The following RALGAPA2 variants were observed in gnomAD, a reference collection of about 807,000 sequenced individuals.
The protein encoded by RALGAPA2 is Ral GTPase activating protein catalytic subunit alpha 2, also known as ral GTPase-activating protein subunit alpha-2.
A neutral mutation model predicts 230.4 loss-of-function variants in RALGAPA2; 139 were observed. That is an observed-to-expected ratio of 0.60 (90% confidence interval 0.53 to 0.69). RALGAPA2 has a LOEUF of 0.69. Ranked by LOEUF, RALGAPA2 falls within the 30% of genes least tolerant of loss-of-function variation. The pLI is 0.00. For synonymous variants in RALGAPA2, 847 were observed against 837.8 expected (o/e 1.01, Z -0.19); for missense variants, 2,163 against 2,276.0 (o/e 0.95, Z 1.01).
intron 9 of RALGAPA2, among the ~76,000 whole-genome samples, chr20:20,633,783 T>C (rs2066766463): frequency 6.6e-6 from 1 of 152,192 alleles, no homozygotes; most frequent in Non-Finnish European, 1.5e-5. Context: ...CAGCCTACAT[T>C]TCTTCATTAT....
intron 20 of RALGAPA2, 88 bp from the exon 21 acceptor site, chr20:20,573,156 C>A: frequency 2.5e-6 from 3 of 1,186,462 alleles, no homozygotes; most frequent in South Asian, 2.3e-5. Flanking sequence ...CTTAGGTATT[C>A]AAAGTAAAAT....
chr20:20,394,140 ATTAAT>A, intron 39 of RALGAPA2, among the ~76,000 whole-genome samples: 1 of 152,278 alleles, frequency 6.6e-6, no homozygotes, highest in African/African-American at 2.4e-5. Context: ...GGCATTTGAA[ATTAAT>A]TTAAGTCAGT....
At chr20:20,533,556 A>G (rs2063422331) in intron 26 of RALGAPA2, among the ~76,000 whole-genome samples, 1 of 152,182 alleles carries the variant, frequency 6.6e-6, no homozygotes, top group South Asian at 2.1e-4. Flanking sequence ...GGAGATTTTA[A>G]CATTTTTCTT....
rs1429259061 is a variant in RALGAPA2, at chr20:20,505,510, C to T, written c.4953G>A (p.Val1651=). The T allele has an allele frequency of 1.2e-6, 2 of 1,600,018 alleles. No individual in the cohort carries two copies. Among genetic ancestry groups the T allele is most frequent in the Non-Finnish European group, 1.7e-6 (2 of 1,173,390 alleles). ...RQCRETHKIA[V]FYIAEGQEDK... Reference sequence around the variant, plus strand: ...CTTCTTGACCTTCAGCAATGTAAAACACTGCGATTTTGTGTGTCTCACGGC... The same window carrying T: ...CTTCTTGACCTTCAGCAATGTAAAATACTGCGATTTTGTGTGTCTCACGGC... Residue 1651 remains valine (V), a synonymous_variant, in exon 34 of 40, where the codon GTG becomes GTA. Coordinates refer to ENST00000202677, the MANE Select transcript of RALGAPA2 (RefSeq NM_020343.4).
At chr20:20,682,064 C>T (rs2068539980) in intron 1 of RALGAPA2, among the ~76,000 whole-genome samples, 1 of 152,156 alleles carries the variant, frequency 6.6e-6, no homozygotes, top group Admixed American at 6.5e-5. Context: ...AGCAATAATG[C>T]AGATGATTCT....
rs188261202 is a variant in RALGAPA2 at position 20,619,527 on chromosome 20, A to G, written c.1402-113T>C. The G allele has an allele frequency of 1.5e-3, 1,281 of 878,374 alleles. 1 individual carries two copies. The highest frequency in any genetic ancestry group is 3.0e-3 in the Admixed American group (64 of 21,540). The allele number at this position is 878,374 out of a possible 1,614,324, so 54.4% of individuals were successfully genotyped here. On this transcript the variant is annotated intron_variant, in intron 11 of 39. Coordinates refer to ENST00000202677, the MANE Select transcript of RALGAPA2 (RefSeq NM_020343.4). Reference sequence around the variant, plus strand: ...AAACTAAGTTATATTTAGTTGGCATATTTAATTCCTTAAACTCACCAGGAT... The same window carrying G: ...AAACTAAGTTATATTTAGTTGGCATGTTTAATTCCTTAAACTCACCAGGAT...
At chr20:20,512,252 C>A (rs749147186) in intron 32 of RALGAPA2, among the ~76,000 whole-genome samples, 1 of 149,640 alleles carries the variant, frequency 6.7e-6, no homozygotes, top group African/African-American at 2.5e-5. Flanking sequence ...CACACACACA[C>A]ACACACACAC....
chr20:20,524,137 T>C (rs534448305), intron 30 of RALGAPA2, among the ~76,000 whole-genome samples: 43 of 152,252 alleles, frequency 2.8e-4, no homozygotes, highest in Middle Eastern at 6.8e-3. Flanking sequence ...TTTGTACTTT[T>C]AGTAGAGATG....
At chr20:20,699,921 G>C (rs1302138897) in intron 1 of RALGAPA2, among the ~76,000 whole-genome samples, 2 of 152,182 alleles carry the variant, frequency 1.3e-5, no homozygotes, top group African/African-American at 4.8e-5. Flanking sequence ...ACTTAAAACA[G>C]AGTTACCATT....
chr20:20,566,175 T>C (rs989585721), intron 23 of RALGAPA2, among the ~76,000 whole-genome samples: 6 of 152,178 alleles, frequency 3.9e-5, no homozygotes, highest in African/African-American at 7.2e-5. Flanking sequence ...TCAAGTGCCA[T>C]GTTGGCTGGT....
chr20:20,698,745 A>C (rs1406576422), intron 1 of RALGAPA2, among the ~76,000 whole-genome samples: 6 of 152,256 alleles, frequency 3.9e-5, no homozygotes, highest in African/African-American at 1.4e-4. Context: ...TCAATAAAAA[A>C]AATTAACATT....
chr20:20,450,147 AAGAC>A (rs2060955768), intron 37 of RALGAPA2, among the ~76,000 whole-genome samples: 5 of 152,254 alleles, frequency 3.3e-5, no homozygotes, highest in Admixed American at 2.6e-4. Flanking sequence ...TGCTAGCAAA[AAGAC>A]AGAAAAATCA....
rs114655587 is a variant in RALGAPA2 at position 20,440,876 on chromosome 20, C to T, written c.5496-28728G>A. On this transcript the variant is annotated intron_variant, in intron 37 of 39. Transcript: ENST00000202677. ...TCAGTTATTCATAAAAGACAGTATG[C>T]CTTTTGTTGATCATTGAACAATGTT... 3.6e-3 allele frequency among the ~76,000 whole-genome samples: 544 copies of T among 152,310 alleles called. 3 individuals carry two copies. The highest frequency in any genetic ancestry group is 0.012 in the African/African-American group (517 of 41,566).
At chr20:20,679,453 G>T (rs1024433592) in intron 2 of RALGAPA2, among the ~76,000 whole-genome samples, 3 of 152,004 alleles carry the variant, frequency 2.0e-5, no homozygotes, top group Admixed American at 2.0e-4. Flanking sequence ...CTTGCCTCTG[G>T]TTCAATCGCT....
In RALGAPA2 at chr20:20,466,625, C is replaced by T. The variant is rs142042896; in HGVS notation, c.5495+6204G>A. The stretch of plus-strand genomic sequence containing the variant: ...CAGGGCTGCACACCACCTTTGGATG[C>T]TCCCTGAGGCTGCAGGAGCACAGGC... On this transcript the variant is annotated intron_variant, in intron 37 of 39. Coordinates refer to ENST00000202677, the MANE Select transcript of RALGAPA2 (RefSeq NM_020343.4). Among the ~76,000 whole-genome samples, 112 of 152,318 alleles carry T rather than the reference C, an allele frequency of 7.4e-4. 2 individuals are homozygous for T. The East Asian group carries it at 0.017, about 23-fold the overall frequency.
At chr20:20,619,019 T>C (rs916743775) in intron 12 of RALGAPA2, among the ~76,000 whole-genome samples, 1 of 152,240 alleles carries the variant, frequency 6.6e-6, no homozygotes, top group African/African-American at 2.4e-5. Flanking sequence ...ATTCACTATA[T>C]AATAATCTCA....
intron 24 of RALGAPA2, among the ~76,000 whole-genome samples, chr20:20,544,111 T>G (rs1399709036): frequency 6.6e-6 from 1 of 151,520 alleles, no homozygotes; most frequent in Non-Finnish European, 1.5e-5. Flanking sequence ...TCACACCAGT[T>G]AGAATCATTA....
intron 38 of RALGAPA2, among the ~76,000 whole-genome samples, chr20:20,399,031 C>T (rs574896617): frequency 1.1e-4 from 16 of 152,240 alleles, no homozygotes; most frequent in East Asian, 5.8e-4. Flanking sequence ...GAAGGCTCCA[C>T]GGTGGGGTGA....
Position 20,680,666 on chromosome 20 carries a change from A to T in RALGAPA2, c.217+25T>A, listed in dbSNP as rs775396839. ...TTATAAAAATGCCCGAATGTTTTTT[A>T]AAAAAAAACTACTGAAATGCTTACC... is the stretch of plus-strand genomic sequence containing the variant. On this transcript the variant is annotated intron_variant, in intron 2 of 39. Coordinates refer to ENST00000202677, the MANE Select transcript of RALGAPA2 (RefSeq NM_020343.4). 4.7e-4 allele frequency: 697 copies of T among 1,496,794 alleles called. 2 individuals carry two copies. The highest frequency in any genetic ancestry group is 6.3e-4 in the Admixed American group (22 of 34,984). The allele number at this position is 1,496,794 out of a possible 1,614,324, so 92.7% of individuals were successfully genotyped here.
Sources: gnomAD v4.1 joint callset for allele counts (sites outside exome capture counted in the v4.1 genomes callset) on GRCh38, gnomAD v4.1.1 for gene constraint, MANE v1.5 for transcripts, NCBI Gene and HGNC (gene_info 2026-07-23, HGNC 2026-07-21) for gene names.